DOK6: variants seen among roughly 807,000 people sequenced by gnomAD.
DOK6 encodes docking protein 6.
A neutral mutation model predicts 44.0 loss-of-function variants in DOK6; 22 were observed. The observed-to-expected ratio is 0.50, with a 90% CI of 0.36 to 0.71. DOK6 has a LOEUF of 0.71. DOK6 is among the 30% of genes least tolerant of loss of function. The pLI is 0.00. For synonymous variants in DOK6, 166 were observed against 145.5 expected, an observed-to-expected ratio of 1.14 and a Z score of -1.01; for missense variants, 340 against 416.4, an observed-to-expected ratio of 0.82 and a Z score of 1.60.
chr18:69,744,581 G>A (rs1453628047), intron 6 of DOK6, among the ~76,000 whole-genome samples: 3 of 152,058 alleles, frequency 2.0e-5, no homozygotes, highest in Admixed American at 1.3e-4. Flanking sequence ...TTCACTTACT[G>A]TTGTTCAGTT....
chr18:69,599,154 G>T (rs1983814019), intron 2 of DOK6, among the ~76,000 whole-genome samples: 1 of 152,112 alleles, frequency 6.6e-6, no homozygotes, highest in African/African-American at 2.4e-5. Context: ...TACATAATGT[G>T]TAGGTCATTT....
At chr18:69,602,126 C>T (rs1395750495) in intron 3 of DOK6, among the ~76,000 whole-genome samples, 1 of 152,094 alleles carries the variant, frequency 6.6e-6, no homozygotes, top group Non-Finnish European at 1.5e-5. Context: ...TAAGTGGGGG[C>T]TGTTCATAGT....
At chr18:69,486,919 G>C (rs1980591880) in intron 1 of DOK6, among the ~76,000 whole-genome samples, 1 of 152,084 alleles carries the variant, frequency 6.6e-6, no homozygotes, top group Admixed American at 6.6e-5. Flanking sequence ...TTTCCTGTTT[G>C]ACATTTTATA....
At chr18:69,478,748 T>A (rs188799991) in intron 1 of DOK6, among the ~76,000 whole-genome samples, 1 of 152,206 alleles carries the variant, frequency 6.6e-6, no homozygotes, top group Non-Finnish European at 1.5e-5. Context: ...ATTACCATGA[T>A]ACATTTATTA....
rs575261811 is a variant in DOK6 at position 69,593,387 on chromosome 18, A to G, written c.175-5997A>G. 4.5e-4 allele frequency among the ~76,000 whole-genome samples: 69 copies of G among 152,112 alleles called. 1 individual carries two copies. Among genetic ancestry groups the G allele is most frequent in the Middle Eastern group, 3.4e-3 (1 of 294 alleles). On this transcript the variant is annotated intron_variant, in intron 2 of 7. Transcript: ENST00000382713. ...GCCCTGTCTCTTAAAAGAAAAAAAA[A>G]AAAGAAAGAAAAAAGTAGAATTTGA... is the stretch of plus-strand genomic sequence containing the variant.
intron 1 of DOK6, among the ~76,000 whole-genome samples, chr18:69,428,498 A>G (rs1181245788): frequency 6.6e-6 from 1 of 152,022 alleles, no homozygotes; most frequent in Non-Finnish European, 1.5e-5. Flanking sequence ...CAGAAATTAA[A>G]TAATTAATAT....
chr18:69,558,118 G>A (rs1335718492), intron 1 of DOK6, among the ~76,000 whole-genome samples: 2 of 152,050 alleles, frequency 1.3e-5, no homozygotes. Flanking sequence ...TCCAAGGAGT[G>A]ATTTCCTGGT....
intron 7 of DOK6, among the ~76,000 whole-genome samples, chr18:69,767,485 TCCAAC>T (rs1979753069): frequency 6.6e-6 from 1 of 152,114 alleles, no homozygotes; most frequent in Non-Finnish European, 1.5e-5. Flanking sequence ...TAGCCTCTTT[TCCAAC>T]CCAAGGTTTG....
At chr18:69,641,271 G>A (rs552903165) in intron 3 of DOK6, among the ~76,000 whole-genome samples, 2 of 151,734 alleles carry the variant, frequency 1.3e-5, no homozygotes, top group Admixed American at 1.3e-4. Flanking sequence ...ATGAAGTAGT[G>A]CTAATGCTGT....
chr18:69,515,497 T>G (rs1981496513), intron 1 of DOK6, among the ~76,000 whole-genome samples: 2 of 152,130 alleles, frequency 1.3e-5, no homozygotes, highest in South Asian at 4.1e-4. Context: ...ATAAAGCCAG[T>G]GGTGTACTGA....
chr18:69,634,910 A>G (rs1333491537), intron 3 of DOK6, among the ~76,000 whole-genome samples: 1 of 152,146 alleles, frequency 6.6e-6, no homozygotes, highest in Admixed American at 6.5e-5. Flanking sequence ...TTTCCTTCTC[A>G]GTAAACTCTT....
At chr18:69,501,955 G>C (rs1290435891) in intron 1 of DOK6, among the ~76,000 whole-genome samples, 1 of 152,052 alleles carries the variant, frequency 6.6e-6, no homozygotes, top group Non-Finnish European at 1.5e-5. Context: ...AGGAAACCCA[G>C]AACAATGATC....
intron 3 of DOK6, among the ~76,000 whole-genome samples, chr18:69,650,209 T>G (rs1181528452): frequency 6.6e-6 from 1 of 151,890 alleles, no homozygotes; most frequent in East Asian, 1.9e-4. Flanking sequence ...AAAAAAAACG[T>G]GGTTGGTTGA....
rs537224866 is a variant in DOK6, at chr18:69,577,348, G to A, written c.174+12754G>A. ...TGTGAAAGCTGTTAAAGGGCTTGGT[G>A]TCTCTTGAAATACCTGCTGGAAGTT... On this transcript the variant is annotated intron_variant, in intron 2 of 7. Coordinates refer to ENST00000382713, the MANE Select transcript of DOK6 (RefSeq NM_152721.6). Among the ~76,000 whole-genome samples the A allele has an allele frequency of 7.9e-5, 12 of 152,226 alleles. No homozygotes were observed. The South Asian group carries it at 2.5e-3, about 32-fold the overall frequency.
rs540148086 is a variant in DOK6 at position 69,817,383 on chromosome 18, A to C, written c.857-23861A>C. ...GGTATCTCCAACATTTACCAAAGTCAGTCTTTGTCTTGCTCTACTCAGATT... is the reference window on the plus strand; with the variant it reads ...GGTATCTCCAACATTTACCAAAGTCCGTCTTTGTCTTGCTCTACTCAGATT... On this transcript the variant is annotated intron_variant, in intron 7 of 7. Coordinates refer to ENST00000382713, the MANE Select transcript of DOK6 (RefSeq NM_152721.6). Among the ~76,000 whole-genome samples the C allele has an allele frequency of 1.4e-3, 218 of 152,322 alleles. 3 individuals are homozygous for C. The highest frequency in any genetic ancestry group is 8.9e-3 in the South Asian group (43 of 4,826).
intron 7 of DOK6, among the ~76,000 whole-genome samples, chr18:69,794,483 T>A (rs1170730075): frequency 2.6e-5 from 4 of 152,192 alleles, no homozygotes; most frequent in Non-Finnish European, 5.9e-5. Context: ...GTACTTTCCC[T>A]TAGGAATACT....
intron 7 of DOK6, among the ~76,000 whole-genome samples, chr18:69,792,553 A>G (rs1354768415): frequency 6.6e-6 from 1 of 152,082 alleles, no homozygotes; most frequent in East Asian, 1.9e-4. Context: ...CAACTTTATT[A>G]CATTTTAAAT....
At chr18:69,677,376 A>G (rs906186578) in intron 3 of DOK6, among the ~76,000 whole-genome samples, 2 of 150,758 alleles carry the variant, frequency 1.3e-5, no homozygotes, top group East Asian at 1.9e-4. Flanking sequence ...GTGTGTATAT[A>G]TATATATATG....
chr18:69,415,122 A>G (rs1280320608), intron 1 of DOK6, among the ~76,000 whole-genome samples: 1 of 152,094 alleles, frequency 6.6e-6, no homozygotes, highest in African/African-American at 2.4e-5. Context: ...TGCTTCAACC[A>G]TTGAATGGTA....
Sources: allele counts gnomAD v4.1 joint callset (sites outside exome capture counted in the v4.1 genomes callset), GRCh38; gene constraint gnomAD v4.1.1; transcripts MANE v1.5; gene names NCBI Gene and HGNC (gene_info 2026-07-23, HGNC 2026-07-21).